The following MMP2 variants were observed in gnomAD, a reference collection of about 807,000 sequenced individuals.
MMP2 encodes 72 kDa type IV collagenase.
A neutral mutation model predicts 74.8 loss-of-function variants in MMP2; 39 were observed. The observed-to-expected ratio is 0.52, with a 90% CI of 0.40 to 0.68. The LOEUF (loss-of-function observed/expected upper bound fraction) is 0.68. Ranked by LOEUF, MMP2 falls within the 30% of genes least tolerant of loss-of-function variation. The pLI is 0.00. For missense variants in MMP2, 803 were observed against 878.3 expected, an observed-to-expected ratio of 0.91 and a Z score of 1.08; for synonymous variants, 367 against 339.8, an observed-to-expected ratio of 1.08 and a Z score of -0.88.
intron 11 of MMP2, among the ~76,000 whole-genome samples, chr16:55,500,304 A>C (rs1285817613): frequency 6.6e-6 from 1 of 151,828 alleles, no homozygotes; most frequent in Non-Finnish European, 1.5e-5. Context: ...TCCAAGTCTT[A>C]GAATTGTGGC....
In MMP2 at chr16:55,493,160, G is replaced by A; in HGVS notation, c.1339G>A (p.Ala447Thr). 6.2e-7 allele frequency: 1 copy of A among 1,613,614 alleles called. No individual in the cohort carries two copies. Among genetic ancestry groups the A allele is most frequent in the Non-Finnish European group, 8.5e-7 (1 of 1,179,994 alleles). Residue 447 changes from alanine (A) to threonine (T), a missense_variant and splice_region_variant, in exon 9 of 13, where the codon GCC becomes ACC. This residue lies in a region of MMP2 where 555 missense variants were observed against 592.0 expected (regional missense o/e 0.94). Transcript: ENST00000219070. ...CTAAGGTCAGGTGTTCTCCCCAGGG[G>A]CCTCTCCTGACATTGACCTTGGCAC... ...DIKGIQELYG[A>T]SPDIDLGTGP...
Position 55,485,787 on chromosome 16 carries a change from C to G in MMP2, c.832+10C>G, listed in dbSNP as rs1396095702. 6.2e-7 allele frequency: 1 copy of G among 1,612,242 alleles called. No homozygotes were observed. The highest frequency in any genetic ancestry group is 8.5e-7 in the Non-Finnish European group (1 of 1,179,958). On this transcript the variant is annotated intron_variant, in intron 5 of 12. Transcript: ENST00000219070. The stretch of plus-strand genomic sequence containing the variant: ...TTCTGTCCCCATGAAGGTGAGCATC[C>G]ACTCTAGTCCCCAAGACTTTCCACC...
Position 55,481,503 on chromosome 16 carries a change from A to C in MMP2, c.154-1406A>C, listed in dbSNP as rs837547. The C allele has an allele frequency of 0.79, 177,212 of 223,884 alleles. 70,546 individuals carry two copies. Among genetic ancestry groups the C allele is most frequent in the Non-Finnish European group, 0.83 (96,842 of 116,218 alleles). The allele number at this position is 223,884 out of a possible 1,614,324, so 13.9% of individuals were successfully genotyped here. A position where few individuals can be genotyped will look rare whatever the true frequency, so the allele number is the denominator to read the frequency against. Reference sequence around the variant, plus strand: ...TATCATAGGGGTCTTTGTGACCCGAACTGTATATGGTGAAATCAGTCCTAC... The same window carrying C: ...TATCATAGGGGTCTTTGTGACCCGACCTGTATATGGTGAAATCAGTCCTAC... On this transcript the variant is annotated intron_variant, in intron 1 of 12. Transcript: ENST00000219070.
rs1369993660 is a variant in MMP2, at chr16:55,485,175, CA to C, written c.530-123del. The stretch of plus-strand genomic sequence containing the variant: ...TCCTGTTGACAGTCCTGGATAACCC[CA>C]CTGGGACAAGGGAAGGGGACAGATG... On this transcript the variant is annotated intron_variant, in intron 3 of 12. Coordinates refer to ENST00000219070, the MANE Select transcript of MMP2 (RefSeq NM_004530.6). The C allele has an allele frequency of 2.9e-6, 4 of 1,385,682 alleles. No individual in the cohort carries two copies. The East Asian group carries it at 9.2e-5, about 32-fold the overall frequency. 85.8% of individuals were successfully genotyped at this position (1,385,682 alleles called of 1,614,324 possible).
rs139708078 is a variant in MMP2 at position 55,489,557 on chromosome 16, G to A, written c.1007-94G>A. ...AGTGCCTGGGACTGAGTCTAACTTA[G>A]GTGTGGTTCATTAAGGTCAGCGTCA... On this transcript the variant is annotated intron_variant, in intron 6 of 12. Coordinates refer to ENST00000219070, the MANE Select transcript of MMP2 (RefSeq NM_004530.6). 6.0e-3 allele frequency: 8,768 copies of A among 1,459,934 alleles called. 39 individuals carry two copies. Among genetic ancestry groups the A allele is most frequent in the Middle Eastern group, 0.01 (58 of 5,794 alleles). 90.4% of individuals were successfully genotyped at this position (1,459,934 alleles called of 1,614,324 possible).
Position 55,505,447 on chromosome 16 carries a change from G to A in MMP2, c.*5G>A. The A allele has an allele frequency of 6.2e-7, 1 of 1,613,528 alleles. No individual in the cohort carries two copies. The highest frequency in any genetic ancestry group is 8.5e-7 in the Non-Finnish European group (1 of 1,179,526). On this transcript the variant is annotated 3_prime_UTR_variant, in exon 13 of 13. Transcript: ENST00000219070. ...TCCGACTGGCTAGGCTGCTGAGCTG[G>A]CCCTGGCTCCCACAGGCCCTTCCTC...
At chr16:55,487,275 C>T (rs1344266514) in intron 5 of MMP2, 2 of 152,238 alleles carry the variant, frequency 1.3e-5, no homozygotes, top group East Asian at 1.9e-4. Context: ...GTTACTCAGC[C>T]CCTGCTGATG....
Position 55,489,777 on chromosome 16 carries a change from C to A in MMP2, c.1133C>A (p.Thr378Lys), listed in dbSNP as rs1173162126. Residue 378 changes from threonine to lysine, a missense_variant, in exon 7 of 13, where the codon ACA becomes AAA. Physicochemically the swap from Thr to Lys is moderately conservative, Grantham distance 78. Coordinates refer to ENST00000219070, the MANE Select transcript of MMP2 (RefSeq NM_004530.6). The stretch of plus-strand genomic sequence containing the variant: ...GACGGAAAGATGTGGTGTGCGACCA[C>A]AGCCAACTACGATGATGACCGCAAG... ...RSDGKMWCAT[T>K]ANYDDDRKWG... 1.2e-6 allele frequency: 2 copies of A among 1,614,102 alleles called. No individual in the cohort carries two copies. Among genetic ancestry groups the A allele is most frequent in the Non-Finnish European group, 1.7e-6 (2 of 1,180,054 alleles).
chr16:55,498,523 C>A, intron 11 of MMP2, 75 bp downstream of exon 11: 8 of 1,596,746 alleles, frequency 5.0e-6, no homozygotes, highest in Non-Finnish European at 6.9e-6. Context: ...AGGCTTCAAG[C>A]CTCCTGGGCT....
intron 1 of MMP2, among the ~76,000 whole-genome samples, chr16:55,480,969 C>T (rs1962084774): frequency 6.6e-6 from 1 of 152,056 alleles, no homozygotes; most frequent in Non-Finnish European, 1.5e-5. Context: ...TACTTGGTTT[C>T]CTACACCTTT....
At chr16:55,487,460 T>G (rs561770094) in intron 5 of MMP2, 1 of 152,462 alleles carries the variant, frequency 6.6e-6, no homozygotes, top group South Asian at 2.1e-4. Flanking sequence ...GTCTTGCCTT[T>G]TCTCTAGGTG....
chr16:55,486,333 G>GTGTGTGTGCC (rs1380183176), intron 5 of MMP2, among the ~76,000 whole-genome samples: 1 of 132,076 alleles, frequency 7.6e-6, no homozygotes, highest in East Asian at 2.6e-4. Context: ...GTGTGTGTGT[G>GTGTGTGTGCC]TGTGTGTGTG....
chr16:55,502,362 T>A (rs1962687992), intron 11 of MMP2, among the ~76,000 whole-genome samples: 1 of 152,194 alleles, frequency 6.6e-6, no homozygotes, highest in Admixed American at 6.5e-5. Context: ...CTACTAAATA[T>A]TTATGAGACA....
Position 55,493,379 on chromosome 16 carries a change from A to C in MMP2, c.1472+86A>C. ...ATTCTTTTCCCTCACTCTTCGCTGAAGACTCCGCCAAATGCTTCCCAGAAT... is the reference window on the plus strand; with the variant it reads ...ATTCTTTTCCCTCACTCTTCGCTGACGACTCCGCCAAATGCTTCCCAGAAT... On this transcript the variant is annotated intron_variant, in intron 9 of 12. Transcript: ENST00000219070. 5.7e-6 allele frequency: 9 copies of C among 1,573,082 alleles called. No individual in the cohort carries two copies. In the South Asian group the frequency reaches 8.9e-5, roughly 16 times the overall value.
chr16:55,485,678 A>G lies in MMP2; in HGVS notation c.733A>G (p.Asn245Asp), dbSNP rs1167437463. Residue 245 changes from asparagine to aspartate, a missense_variant, in exon 5 of 13, where the codon AAC (asparagine) becomes GAC (aspartate). Physicochemically the swap from Asn to Asp is conservative, Grantham distance 23. Around this residue, in one of 3 missense-constraint regions of MMP2, gnomAD observed 555 missense variants for 592.0 expected, o/e 0.94. Transcript: ENST00000219070. The part of the protein sequence containing the change: ...FPFLFNGKEY[N>D]SCTDTGRSDG... ...CTTCTTGTTCAATGGCAAGGAGTAC[A>G]ACAGCTGCACTGATACCGGCCGCAG... The G allele has an allele frequency of 6.2e-7, 1 of 1,614,054 alleles. No individual in the cohort carries two copies. The highest frequency in any genetic ancestry group is 1.3e-5 in the African/African-American group (1 of 74,902).
At chr16:55,499,452 C>G (rs1179303935) in intron 11 of MMP2, among the ~76,000 whole-genome samples, 1 of 152,072 alleles carries the variant, frequency 6.6e-6, no homozygotes, top group Admixed American at 6.5e-5. Context: ...AGCAGGTGCC[C>G]TGTGTCATGC....
chr16:55,483,526 G>A (rs373195350), intron 2 of MMP2, among the ~76,000 whole-genome samples: 9 of 152,252 alleles, frequency 5.9e-5, no homozygotes, highest in Admixed American at 3.9e-4. Context: ...CATTGGGATG[G>A]GCAGAAGGAA....
At position 55,498,374 on chromosome 16, in the gene MMP2, C is replaced by A. The variant is rs771855710; in HGVS notation, c.1695C>A (p.Val565=). The part of the protein sequence containing the change: ...PLTSLGLPPD[V]QRVDAAFNWS... Reference sequence around the variant, plus strand: ...CCAGCCTGGGACTGCCCCCTGATGTCCAGCGAGTGGATGCCGCCTTTAACT... The same window carrying A: ...CCAGCCTGGGACTGCCCCCTGATGTACAGCGAGTGGATGCCGCCTTTAACT... The change falls in exon 11 of 13, where the codon GTC becomes GTA. Residue 565 remains valine (V), a synonymous_variant. Transcript: ENST00000219070. 4 of 1,614,240 alleles carry A rather than the reference C, an allele frequency of 2.5e-6. No homozygotes were observed. In the East Asian group the frequency reaches 6.7e-5, roughly 27 times the overall value.
In MMP2 at chr16:55,497,004, G is replaced by T. The variant is rs150310143; in HGVS notation, c.1551G>T (p.Pro517=). The change falls in exon 10 of 13, where the codon CCG becomes CCT. Residue 517 remains proline (P), a synonymous_variant. Transcript: ENST00000219070. ...TGGCCACATTCTGGCCTGAGCTCCC[G>T]GAAAAGATTGATGCGGTATACGAGG... ...LLVATFWPEL[P]EKIDAVYEAP... 1 of 1,614,172 alleles carries T rather than the reference G, an allele frequency of 6.2e-7. No individual in the cohort carries two copies. Among genetic ancestry groups the T allele is most frequent in the Non-Finnish European group, 8.5e-7 (1 of 1,180,032 alleles).
Sources: allele counts gnomAD v4.1 joint callset (sites outside exome capture counted in the v4.1 genomes callset), GRCh38; gene constraint gnomAD v4.1.1; regional missense constraint gnomAD v4.1.1; transcripts MANE v1.5; gene names NCBI Gene and HGNC (gene_info 2026-07-23, HGNC 2026-07-21).